TBC1D26: variants seen among roughly 807,000 people sequenced by gnomAD.
TBC1D26 encodes TBC1 domain family member 26, also known as TBC1 domain family, member 26.
In TBC1D26, 19 loss-of-function variants were observed where a neutral mutation model predicts 42.5. That is an observed-to-expected ratio of 0.45 (90% CI 0.31 to 0.66). The LOEUF (loss-of-function observed/expected upper bound fraction) is 0.66, where lower values mean the gene tolerates loss of function less well. TBC1D26 is among the 30% of genes least tolerant of loss of function. The probability of loss-of-function intolerance (pLI) is 0.06; values close to 1 mark genes in which losing one functional copy is unlikely to be tolerated. For synonymous variants in TBC1D26, 97 were observed against 123.5 expected, an observed-to-expected ratio of 0.79 and a Z score of 1.42; for missense variants, 228 against 332.6, an observed-to-expected ratio of 0.69 and a Z score of 2.45.
At chr17:15,742,673 G>A (rs375818183) in intron 12 of TBC1D26, among the ~76,000 whole-genome samples, 194 bp downstream of exon 12, 4 of 152,236 alleles carry the variant, frequency 2.6e-5, no homozygotes, top group African/African-American at 7.2e-5. Context: ...CCCGACTTGC[G>A]AGGGCCCAGG....
At position 15,737,506 on chromosome 17, in the gene TBC1D26, A is replaced by C. The variant is rs753247758; in HGVS notation, c.181A>C (p.Ser61Arg). The C allele has an allele frequency of 7.5e-7, 1 of 1,327,700 alleles. No homozygotes were observed. Among genetic ancestry groups the C allele is most frequent in the Non-Finnish European group, 1.1e-6 (1 of 945,274 alleles). 82.2% of individuals were successfully genotyped at this position (1,327,700 alleles called of 1,614,324 possible). The change falls in exon 5 of 15, where the codon AGT (serine) becomes CGT (arginine). Residue 61 changes from serine (S) to arginine (R), a missense_variant. This residue lies in a region of TBC1D26 where 72 missense variants were observed against 90.1 expected (regional missense o/e 0.80). Coordinates refer to ENST00000437605, the MANE Select transcript of TBC1D26 (RefSeq NM_001388465.1). ...IVHEMELPHV[S>R]ALEVKQRRKE... The stretch of plus-strand genomic sequence containing the variant: ...CAGTGAGATGGAGCTGCCCCACGTC[A>C]GTGCCCTGGAGGTGAAGGTAAGAGC...
chr17:15,739,975 C>T (rs1357510729), intron 8 of TBC1D26, 125 bp from the exon 9 acceptor site: 7 of 1,202,908 alleles, frequency 5.8e-6, no homozygotes, highest in Middle Eastern at 2.0e-4. Context: ...CTAAAGAGCT[C>T]ACTGCTTATT....
chr17:15,744,192 T>G (rs906354080), intron 14 of TBC1D26, 51 bp from the exon 15 acceptor site: 1 of 152,170 alleles, frequency 6.6e-6, no homozygotes, highest in Non-Finnish European at 1.5e-5. Context: ...GCACATCTTC[T>G]CTCCACTGAT....
rs1272826345 is a variant in TBC1D26 at position 15,742,475 on chromosome 17, A to T, written c.803A>T (p.Asp268Val). 2.2e-5 allele frequency: 5 copies of T among 231,904 alleles called. No homozygotes were observed. The highest frequency in any genetic ancestry group is 4.3e-5 in the Non-Finnish European group (5 of 116,938). The allele number at this position is 231,904 out of a possible 1,614,324, so 14.4% of individuals were successfully genotyped here. Residue 268 changes from aspartate (D) to valine (V), a missense_variant, in exon 12 of 15, where the codon GAT becomes GTT. Physicochemically the swap from Asp to Val is radical, Grantham distance 152. Transcript: ENST00000437605. ...ACGAGGCTCCTCCGGTGTTTCCTTGATGGGGTAAGGAGGCACAGGGAGACC... is the reference window on the plus strand; with the variant it reads ...ACGAGGCTCCTCCGGTGTTTCCTTGTTGGGGTAAGGAGGCACAGGGAGACC... ...MLTRLLRCFL[D>V]GKSFGLTLRL... is the part of the protein sequence containing the mutation.
At chr17:15,742,309 A>G (rs1287509300) in intron 11 of TBC1D26, 105 bp from the exon 12 acceptor site, 15 of 493,654 alleles carry the variant, frequency 3.0e-5, no homozygotes, top group African/African-American at 1.2e-4. Context: ...AGCCCTGGCC[A>G]CCGCCCTGGG....
Position 15,740,069 on chromosome 17 carries a change from A to C in TBC1D26, c.498-31A>C, listed in dbSNP as rs112042993. ...AATTGACAGCGTCTGCACACACACAAAAAAAAAACCCTCTTTCCCCTCTTT... is the reference window on the plus strand; with the variant it reads ...AATTGACAGCGTCTGCACACACACACAAAAAAAACCCTCTTTCCCCTCTTT... On this transcript the variant is annotated intron_variant, in intron 8 of 14. Transcript: ENST00000437605. 0.028 allele frequency: 37,989 copies of C among 1,362,772 alleles called. 3,417 individuals are homozygous for C. In the African/African-American group the frequency reaches 0.4, roughly 14 times the overall value. The allele number at this position is 1,362,772 out of a possible 1,614,324, so 84.4% of individuals were successfully genotyped here.
At chr17:15,740,561 C>G in intron 9 of TBC1D26, 2 of 1,153,292 alleles carry the variant, frequency 1.7e-6, no homozygotes, top group Non-Finnish European at 2.1e-6. Context: ...TGCCTGAACC[C>G]CATAGGAGCA....
intron 10 of TBC1D26, 138 bp from the exon 11 acceptor site, chr17:15,741,804 G>A: frequency 1.3e-6 from 1 of 755,970 alleles, no homozygotes; most frequent in Non-Finnish European, 2.2e-6. Context: ...CAGGGCTGAG[G>A]CTACATGCTG....
At position 15,738,009 on chromosome 17, in the gene TBC1D26, G is replaced by T. The variant is rs1240408961; in HGVS notation, c.211G>T (p.Glu71Ter). ...GCTCATTTGACAGCAAAGACGCAAG[G>T]AAAGTAAACGTACCAACAAGTGGCA... The part of the protein sequence containing the change: ...SALEVKQRRK[E>*]SKRTNKWQKM... The change falls in exon 6 of 15, where the codon GAA becomes TAA. Residue 71 changes from glutamate to a stop codon, truncating the protein, a stop_gained. Coordinates refer to ENST00000437605, the MANE Select transcript of TBC1D26 (RefSeq NM_001388465.1). LOFTEE classifies it high-confidence loss of function. 1 of 1,614,018 alleles carries T rather than the reference G, an allele frequency of 6.2e-7. No individual in the cohort carries two copies. Among genetic ancestry groups the T allele is most frequent in the African/African-American group, 1.3e-5 (1 of 74,920 alleles).
chr17:15,744,145 CGTG>C (rs1967861827), intron 14 of TBC1D26, 95 bp from the exon 15 acceptor site: 1 of 152,116 alleles, frequency 6.6e-6, no homozygotes, highest in African/African-American at 2.4e-5. Flanking sequence ...ACCCCCACCT[CGTG>C]GTATGTCACA....
intron 14 of TBC1D26, 76 bp from the exon 15 acceptor site, chr17:15,744,167 C>A (rs537223503): frequency 6.6e-6 from 1 of 152,118 alleles, no homozygotes; most frequent in Admixed American, 6.5e-5. Context: ...CAGAACCATA[C>A]ACTTGTATAG....
Position 15,741,119 on chromosome 17 carries a change from C to T in TBC1D26, c.547-3C>T. The T allele has an allele frequency of 6.2e-7, 1 of 1,609,614 alleles. No individual in the cohort carries two copies. The highest frequency in any genetic ancestry group is 8.5e-7 in the Non-Finnish European group (1 of 1,179,868). ...CTTTCCACGGTGACTCTGGCTCTTG[C>T]AGGAGGTGGGCTACCACAGGGACCT... On this transcript the variant is annotated splice_region_variant and splice_polypyrimidine_tract_variant and intron_variant, in intron 9 of 14. Coordinates refer to ENST00000437605, the MANE Select transcript of TBC1D26 (RefSeq NM_001388465.1).
intron 8 of TBC1D26, 52 bp downstream of exon 8, chr17:15,738,882 G>A (rs754476311): frequency 1.2e-6 from 2 of 1,608,624 alleles, no homozygotes; most frequent in Non-Finnish European, 1.7e-6. Flanking sequence ...GCAATCCAGA[G>A]GAATGAGGTT....
chr17:15,741,858 C>T, intron 10 of TBC1D26, 84 bp from the exon 11 acceptor site: 1 of 1,420,920 alleles, frequency 7.0e-7, no homozygotes, highest in South Asian at 1.2e-5. Flanking sequence ...GTCTGGGGTC[C>T]CCTGCCCTGC....
Position 15,741,508 on chromosome 17 carries a change from G to A in TBC1D26, c.646+287G>A, listed in dbSNP as rs1175075913. ...GTCGTCCGAAGCCAGCCCCAACTTT[G>A]TGCAGGCACCACTCACCTCCCTGAG... On this transcript the variant is annotated intron_variant, in intron 10 of 14. Transcript: ENST00000437605. 3.3e-5 allele frequency: 17 copies of A among 508,906 alleles called. No individual in the cohort carries two copies. In the Middle Eastern group the frequency reaches 2.2e-3, roughly 66 times the overall value. The allele number at this position is 508,906 out of a possible 1,614,324, so 31.5% of individuals were successfully genotyped here. A position where few individuals can be genotyped will look rare whatever the true frequency, so the allele number is the denominator to read the frequency against.
chr17:15,733,432 C>A (rs939903141), intron 1 of TBC1D26, among the ~76,000 whole-genome samples: 2 of 152,170 alleles, frequency 1.3e-5, no homozygotes, highest in African/African-American at 2.4e-5. Flanking sequence ...GCTGAGTTCC[C>A]CCTAATGAGG....
intron 6 of TBC1D26, 50 bp downstream of exon 6, chr17:15,738,127 A>G (rs2151499735): frequency 6.2e-7 from 1 of 1,613,690 alleles, no homozygotes; most frequent in East Asian, 2.2e-5. Flanking sequence ...CAGAGCCAGG[A>G]GACAGGCACC....
Sources: gnomAD v4.1 joint callset for allele counts (sites outside exome capture counted in the v4.1 genomes callset) on GRCh38, gnomAD v4.1.1 for gene constraint, gnomAD v4.1.1 regional missense constraint, MANE v1.5 for transcripts, NCBI Gene and HGNC (gene_info 2026-07-23, HGNC 2026-07-21) for gene names.